ACSBG1: variants seen among roughly 807,000 people sequenced by gnomAD.
ACSBG1 encodes long-chain-fatty-acid--CoA ligase ACSBG1.
Under a neutral mutation model 80.2 loss-of-function variants are expected in ACSBG1, and 39 were observed. The observed-to-expected ratio is 0.49, with a 90% CI of 0.38 to 0.64. ACSBG1 has a LOEUF of 0.64. Ranked by LOEUF, ACSBG1 falls within the 30% of genes least tolerant of loss-of-function variation. The pLI is 0.00. For missense variants in ACSBG1, 828 were observed against 966.4 expected (o/e 0.86, Z 1.90); for synonymous variants, 392 against 379.5 (o/e 1.03, Z -0.38).
intron 5 of ACSBG1, among the ~76,000 whole-genome samples, chr15:78,183,247 T>C (rs945451059): frequency 2.6e-5 from 4 of 152,238 alleles, no homozygotes; most frequent in East Asian, 1.9e-4. Flanking sequence ...AGGGGTGCAA[T>C]GTAAATATAT....
At chr15:78,233,884 T>C (rs956035690) in intron 1 of ACSBG1, among the ~76,000 whole-genome samples, 6 of 152,132 alleles carry the variant, frequency 3.9e-5, no homozygotes, top group Admixed American at 2.0e-4. Flanking sequence ...ATATATACAG[T>C]GGAAGGGCTT....
chr15:78,193,724 C>T, intron 4 of ACSBG1, 98 bp from the exon 5 acceptor site: 2 of 1,494,692 alleles, frequency 1.3e-6, no homozygotes, highest in Admixed American at 2.3e-5. Flanking sequence ...CAGAGAGCTC[C>T]CATAGCCTGG....
chr15:78,173,861 GAGGACCAAGCCTTA>G (rs748440349), intron 12 of ACSBG1, 22 bp from the exon 13 acceptor site: 1 of 1,610,978 alleles, frequency 6.2e-7, no homozygotes, highest in African/African-American at 1.3e-5. Flanking sequence ...GAGATCAGAT[GAGGACCAAGCCTTA>G]CCCAACAAGA....
At chr15:78,184,254 G>C (rs1174533576) in intron 5 of ACSBG1, among the ~76,000 whole-genome samples, 2 of 152,128 alleles carry the variant, frequency 1.3e-5, no homozygotes, top group Admixed American at 6.5e-5. Flanking sequence ...GCCCACTGCA[G>C]CCTCAAACCC....
At chr15:78,196,057 C>G (rs573105407) in intron 2 of ACSBG1, among the ~76,000 whole-genome samples, 75 of 152,322 alleles carry the variant, frequency 4.9e-4, no homozygotes, top group Non-Finnish European at 8.8e-4. Context: ...CAGACCCAAA[C>G]GGGATACATG....
At chr15:78,207,723 A>G (rs188536894) in intron 2 of ACSBG1, 33 of 433,844 alleles carry the variant, frequency 7.6e-5, no homozygotes, top group African/African-American at 6.3e-4. Context: ...GGCCCAGATG[A>G]TGTCCTACCT....
intron 1 of ACSBG1, 59 bp from the exon 2 acceptor site, chr15:78,208,161 C>A: frequency 7.4e-7 from 1 of 1,349,738 alleles, no homozygotes; most frequent in Non-Finnish European, 1.0e-6. Context: ...CCGGCCTGGG[C>A]TTAGGGACTC....
At chr15:78,203,193 T>A (rs2075184072) in intron 2 of ACSBG1, among the ~76,000 whole-genome samples, 1 of 152,054 alleles carries the variant, frequency 6.6e-6, no homozygotes, top group Non-Finnish European at 1.5e-5. Flanking sequence ...AACCATCAGC[T>A]CTGTCCCATG....
At chr15:78,194,342 C>T (rs1205653274) in intron 3 of ACSBG1, among the ~76,000 whole-genome samples, 164 bp downstream of exon 3, 1 of 152,238 alleles carries the variant, frequency 6.6e-6, no homozygotes, top group African/African-American at 2.4e-5. Flanking sequence ...AAGCTCAGTA[C>T]GGGGCCCAGC....
At chr15:78,194,427 G>T in intron 3 of ACSBG1, 79 bp downstream of exon 3, 5 of 1,368,292 alleles carry the variant, frequency 3.7e-6, no homozygotes, top group Non-Finnish European at 5.1e-6. Context: ...GTGGGCAGTT[G>T]GAGAGGAGGC....
chr15:78,182,955 A>C, intron 5 of ACSBG1, 170 bp from the exon 6 acceptor site: 1 of 683,122 alleles, frequency 1.5e-6, no homozygotes, highest in East Asian at 2.7e-5. Context: ...TTCCCTCCTG[A>C]GAACTTGGGA....
chr15:78,226,367 A>G (rs1292059456), intron 1 of ACSBG1: 1 of 152,268 alleles, frequency 6.6e-6, no homozygotes, highest in Non-Finnish European at 1.5e-5. Context: ...TCACTGAGCA[A>G]TATCTTAGAG....
At chr15:78,199,818 T>C (rs2075150681) in intron 2 of ACSBG1, among the ~76,000 whole-genome samples, 1 of 152,122 alleles carries the variant, frequency 6.6e-6, no homozygotes. Flanking sequence ...TTAAATCATA[T>C]GAATCAAATC....
chr15:78,226,787 T>TATATATATATATATATAATATATATA (rs1555434850), intron 1 of ACSBG1, among the ~76,000 whole-genome samples: 13 of 87,814 alleles, frequency 1.5e-4, no homozygotes, highest in Non-Finnish European at 2.5e-4. Context: ...CATAGAAAAA[T>TATATATATATATATATAATATATATA]ATATATATAT....
At chr15:78,193,364 G>C in intron 5 of ACSBG1, 142 bp downstream of exon 5, 1 of 1,236,096 alleles carries the variant, frequency 8.1e-7, no homozygotes, top group Non-Finnish European at 1.1e-6. Context: ...GCCCTGCCTT[G>C]CTTGCTGTGT....
chr15:78,231,814 C>T (rs1177926801), intron 1 of ACSBG1, among the ~76,000 whole-genome samples: 1 of 152,200 alleles, frequency 6.6e-6, no homozygotes, highest in African/African-American at 2.4e-5. Context: ...GTCTTGAACT[C>T]CTGCACTCAA....
chr15:78,210,317 A>G lies in ACSBG1; in HGVS notation c.132-2215T>C, dbSNP rs553193298. The stretch of plus-strand genomic sequence containing the variant: ...CCTATGCTTACAGAATTTGGGGCGC[A>G]TGATTAAAAGAATGTCAAAACCTAA... On this transcript the variant is annotated intron_variant, in intron 1 of 13. Transcript: ENST00000258873. Among the ~76,000 whole-genome samples, 12 of 152,334 alleles carry G rather than the reference A, an allele frequency of 7.9e-5. No individual in the cohort carries two copies. The South Asian group carries it at 2.5e-3, about 32-fold the overall frequency.
Position 78,179,407 on chromosome 15 carries a change from G to C in ACSBG1, c.1484+143C>G, listed in dbSNP as rs1015036927. 60 of 723,496 alleles carry C rather than the reference G, an allele frequency of 8.3e-5. 2 individuals are homozygous for C. The Middle Eastern group carries it at 2.0e-3, about 24-fold the overall frequency. The allele number at this position is 723,496 out of a possible 1,614,324, so 44.8% of individuals were successfully genotyped here. ...CCCAAGATGGCATTGTTGGCTCTCA[G>C]GGGCTCCATAGCCCAGTGGCCAGGT... On this transcript the variant is annotated intron_variant, in intron 10 of 13. Coordinates refer to ENST00000258873, the MANE Select transcript of ACSBG1 (RefSeq NM_015162.5).
chr15:78,207,949 AG>A, intron 2 of ACSBG1, 52 bp downstream of exon 2: 4 of 431,742 alleles, frequency 9.3e-6, no homozygotes, highest in East Asian at 5.5e-5. Context: ...CAGCACACCC[AG>A]CACAGCACAG....
Sources: gnomAD v4.1 joint callset for allele counts (sites outside exome capture counted in the v4.1 genomes callset) on GRCh38, gnomAD v4.1.1 for gene constraint, MANE v1.5 for transcripts, NCBI Gene and HGNC (gene_info 2026-07-23, HGNC 2026-07-21) for gene names.